GPR173: variants seen among roughly 807,000 people sequenced by gnomAD.
The protein encoded by GPR173 is G protein-coupled receptor 173.
In GPR173, 2 loss-of-function variants were observed where a neutral mutation model predicts 13.9. The observed-to-expected ratio is 0.14, with a 90% CI of 0.06 to 0.45. The LOEUF is 0.45. GPR173 is among the 20% of genes least tolerant of loss of function. The pLI is 0.98. For missense variants in GPR173, 202 were observed against 340.5 expected, an observed-to-expected ratio of 0.59 and a Z score of 3.20; for synonymous variants, 131 against 141.0, an observed-to-expected ratio of 0.93 and a Z score of 0.50.
chrX:53,063,355 C>A (rs782419345), intron 1 of GPR173, among the ~76,000 whole-genome samples: 1 of 110,077 alleles, frequency 9.1e-6, no homozygotes, highest in Non-Finnish European at 1.9e-5. Context: ...GGAGCAGAGT[C>A]CCAAGGTGGC....
intron 1 of GPR173, among the ~76,000 whole-genome samples, chrX:53,050,210 A>C (rs1322693998): frequency 1.8e-5 from 2 of 110,940 alleles, no homozygotes; most frequent in African/African-American, 6.6e-5. Flanking sequence ...GGTGGTGGGG[A>C]GCACTTCCAG....
At position 53,074,272 on chromosome X, in the gene GPR173, A is replaced by G. The variant is rs1932364105; in HGVS notation, c.-97-2253A>G. ...TATACATTTATATTTATTCATATATAAATATACATTTACATATAAATATAT... is the reference window on the plus strand; with the variant it reads ...TATACATTTATATTTATTCATATATGAATATACATTTACATATAAATATAT... On this transcript the variant is annotated intron_variant, in intron 1 of 1. Transcript: ENST00000332582. Among the ~76,000 whole-genome samples, 2 of 78,445 alleles carry G rather than the reference A, an allele frequency of 2.5e-5. 1 individual carries two copies. The highest frequency in any genetic ancestry group is 1.1e-4 in the African/African-American group (2 of 17,561). 68.1% of individuals were successfully genotyped at this position (78,445 alleles called of 115,157 possible).
intron 1 of GPR173, among the ~76,000 whole-genome samples, chrX:53,055,146 G>A (rs1407456228): frequency 1.8e-5 from 2 of 109,728 alleles, no homozygotes; most frequent in African/African-American, 6.7e-5. Context: ...GATTGTGTTT[G>A]TGTGTGAGAG....
chrX:53,059,243 C>T (rs1308182830), intron 1 of GPR173, among the ~76,000 whole-genome samples: 4 of 105,469 alleles, frequency 3.8e-5, no homozygotes, highest in Non-Finnish European at 5.8e-5. Flanking sequence ...AGCAAGACTC[C>T]GTCTCAAAAA....
chrX:53,059,785 A>G (rs1556803566), intron 1 of GPR173, among the ~76,000 whole-genome samples: 1 of 83,553 alleles, frequency 1.2e-5, no homozygotes, highest in African/African-American at 5.5e-5. Flanking sequence ...GAGTGAGACC[A>G]TGTCTCAAAA....
In GPR173 at chrX:53,076,687, T is replaced by C; in HGVS notation, c.66T>C (p.Ala22=). ...CTCTGTCCCCACCGTCCGCATCAGC[T>C]TATGTGAAGCTGGTACTGCTGGGAC... ...SGALSPPSAS[A]YVKLVLLGLI... is the part of the protein sequence containing the mutation. Residue 22 remains alanine (A), a synonymous_variant, in exon 2 of 2, where the codon GCT becomes GCC. Transcript: ENST00000332582. 1 of 1,208,904 alleles carries C rather than the reference T, an allele frequency of 8.3e-7. No individual in the cohort carries two copies. Among genetic ancestry groups the C allele is most frequent in the Non-Finnish European group, 1.1e-6 (1 of 893,250 alleles).
chrX:53,067,418 C>G (rs142488411), intron 1 of GPR173, among the ~76,000 whole-genome samples: 1 of 112,147 alleles, frequency 8.9e-6, no homozygotes, highest in African/African-American at 3.2e-5. Flanking sequence ...CATAAAAGAT[C>G]CCAGTTTCTC....
intron 1 of GPR173, among the ~76,000 whole-genome samples, chrX:53,072,333 T>A (rs1932269939): frequency 9.3e-6 from 1 of 107,927 alleles, no homozygotes; most frequent in Non-Finnish European, 1.9e-5. Flanking sequence ...CCCGTCTCTA[T>A]TTTTCTTTCT....
intron 1 of GPR173, among the ~76,000 whole-genome samples, chrX:53,074,705 A>G (rs1306046034): frequency 1.1e-5 from 1 of 90,767 alleles, no homozygotes; most frequent in Non-Finnish European, 2.1e-5. Flanking sequence ...ATATATAAAT[A>G]TATATTTATA....
chrX:53,072,904 T>A (rs1602094321), intron 1 of GPR173, among the ~76,000 whole-genome samples: 1 of 111,140 alleles, frequency 9.0e-6, no homozygotes, highest in East Asian at 2.8e-4. Flanking sequence ...CCTCCTGTCA[T>A]GGGCTCTGAG....
chrX:53,058,876 C>T (rs1556803423), intron 1 of GPR173, among the ~76,000 whole-genome samples: 3 of 106,549 alleles, frequency 2.8e-5, no homozygotes, highest in African/African-American at 1.0e-4. Flanking sequence ...ATGTAAATGG[C>T]GAACGCATTT....
Position 53,077,701 on chromosome X carries a change from A to T in GPR173, c.1080A>T (p.Thr360=), listed in dbSNP as rs781898797. ...GGACTCACGCCCCCTGCTGGGGCAC[A>T]GGAGGTGCCCCGGCTCCCAGAGAAC... The part of the protein sequence containing the change: ...CLRTHAPCWG[T]GGAPAPREPY... Residue 360 remains threonine, a synonymous_variant, in exon 2 of 2, where the codon ACA becomes ACT. Coordinates refer to ENST00000332582, the MANE Select transcript of GPR173 (RefSeq NM_018969.6). 1.7e-6 allele frequency: 2 copies of T among 1,204,934 alleles called. No homozygotes were observed. The highest frequency in any genetic ancestry group is 5.9e-5 in the East Asian group (2 of 33,819).
chrX:53,066,529 A>G (rs183686401), intron 1 of GPR173, among the ~76,000 whole-genome samples: 53 of 110,649 alleles, frequency 4.8e-4, no homozygotes, highest in African/African-American at 1.7e-3. Context: ...TTAGCTGGGC[A>G]TGGCAGTGTG....
intron 1 of GPR173, among the ~76,000 whole-genome samples, chrX:53,058,459 GTA>G (rs1257667329): frequency 2.9e-5 from 3 of 103,672 alleles, no homozygotes; most frequent in East Asian, 2.9e-4. Flanking sequence ...GTGTGTGTGT[GTA>G]TGTAAAGGGC....
Position 53,076,954 on chromosome X carries a change from C to A in GPR173, c.333C>A (p.Ala111=), listed in dbSNP as rs782473096. The A allele has an allele frequency of 5.8e-6, 7 of 1,208,988 alleles. No individual in the cohort carries two copies. In the Admixed American group the frequency reaches 1.5e-4, roughly 26 times the overall value. ...CCGTGCTCTTTTGCTTCCATGCGGCCTTCATGCTGTTCTGCATCAGCGTCA... is the reference window on the plus strand; with the variant it reads ...CCGTGCTCTTTTGCTTCCATGCGGCATTCATGCTGTTCTGCATCAGCGTCA... ...FMAVLFCFHA[A]FMLFCISVTR... is the part of the protein sequence containing the mutation. Residue 111 remains alanine (A), a synonymous_variant, in exon 2 of 2, where the codon GCC becomes GCA. Transcript: ENST00000332582.
chrX:53,074,345 T>A (rs1333433996), intron 1 of GPR173, among the ~76,000 whole-genome samples: 2 of 69,728 alleles, frequency 2.9e-5, no homozygotes, highest in Non-Finnish European at 4.7e-5. Context: ...TATTTATATA[T>A]ATTTATATAT....
chrX:53,055,889 AGTGTGTGTGT>A (rs112784276), intron 1 of GPR173, among the ~76,000 whole-genome samples: 3 of 97,522 alleles, frequency 3.1e-5, no homozygotes, highest in Non-Finnish European at 6.3e-5. Flanking sequence ...CTGTATTTGG[AGTGTGTGTGT>A]GTGTGTGTGT....
rs12398999 is a variant in GPR173 at position 53,080,188 on chromosome X, G to T, written c.*2445G>T. The T allele has an allele frequency of 0.038, 4,679 of 121,786 alleles. 109 individuals carry two copies. The highest frequency in any genetic ancestry group is 0.05 in the Non-Finnish European group (2,619 of 52,785). The allele number at this position is 121,786 out of a possible 1,213,427, so 10.0% of individuals were successfully genotyped here. ...CAGTCTGGGATGGGAGCCCTTCCTA[G>T]GGGCCACTGTATGCAGCTGGGACTT... On this transcript the variant is annotated 3_prime_UTR_variant, in exon 2 of 2. Coordinates refer to ENST00000332582, the MANE Select transcript of GPR173 (RefSeq NM_018969.6).
intron 1 of GPR173, among the ~76,000 whole-genome samples, chrX:53,058,143 G>A (rs1194655889): frequency 8.9e-6 from 1 of 112,132 alleles, no homozygotes; most frequent in African/African-American, 3.2e-5. Flanking sequence ...GGCCCCGTGT[G>A]TATATTTACC....
Sources: allele counts gnomAD v4.1 joint callset (sites outside exome capture counted in the v4.1 genomes callset), GRCh38; gene constraint gnomAD v4.1.1; transcripts MANE v1.5; gene names NCBI Gene and HGNC (gene_info 2026-07-23, HGNC 2026-07-21).